Variants in REEP1 observed in about 807,000 individuals in gnomAD.
REEP1 encodes receptor accessory protein 1, also known as receptor expression-enhancing protein 1.
REEP1 carries 22 observed loss-of-function variants against 40.3 expected under a neutral mutation model. The ratio of observed to expected loss-of-function variants is 0.55; its 90% CI spans 0.39 to 0.78. The LOEUF is 0.78. REEP1 is among the 30% of genes least tolerant of loss of function. The pLI, the probability that REEP1 is intolerant of heterozygous loss-of-function variation, is 0.00. For missense variants in REEP1, 280 were observed against 361.1 expected (o/e 0.78, Z 1.82); for synonymous variants, 116 against 139.2 (o/e 0.83, Z 1.17).
intron 2 of REEP1, among the ~76,000 whole-genome samples, chr2:86,272,510 A>G (rs1037358811): frequency 3.3e-5 from 5 of 152,116 alleles, no homozygotes; most frequent in African/African-American, 1.2e-4. Flanking sequence ...TGGTTTCCCA[A>G]TTGCTTTTCT....
At position 86,215,381 on chromosome 2, in the gene REEP1, A is replaced by T. The variant is rs1284152152; in HGVS notation, c.*1658T>A. The T allele has an allele frequency of 6.6e-6, 1 of 152,256 alleles. No homozygotes were observed. The highest frequency in any genetic ancestry group is 1.5e-5 in the Non-Finnish European group (1 of 68,020). 9.4% of individuals were successfully genotyped at this position (152,256 alleles called of 1,614,324 possible). On this transcript the variant is annotated 3_prime_UTR_variant, in exon 9 of 9. Transcript: ENST00000538924. ...TCAAACCCTTTCTGGGGTGGCTAAG[A>T]TCCAGCTAATGTGTCATCAGCAAAG...
intron 2 of REEP1, among the ~76,000 whole-genome samples, chr2:86,280,530 T>A (rs6713456): frequency 0.37 from 56,577 of 152,148 alleles, 10,905 homozygotes; most frequent in Middle Eastern, 0.46. Flanking sequence ...TGGCACAGAT[T>A]GCAGGCGGGA....
At chr2:86,280,537 G>T (rs924079328) in intron 2 of REEP1, among the ~76,000 whole-genome samples, 1 of 152,186 alleles carries the variant, frequency 6.6e-6, no homozygotes, top group South Asian at 2.1e-4. Flanking sequence ...GATTGCAGGC[G>T]GGAAAGGGTT....
chr2:86,300,007 C>G (rs1331658400), intron 1 of REEP1, among the ~76,000 whole-genome samples: 1 of 152,096 alleles, frequency 6.6e-6, no homozygotes, highest in Non-Finnish European at 1.5e-5. Context: ...AGCCCAGGGC[C>G]AGACTGACAT....
intron 2 of REEP1, among the ~76,000 whole-genome samples, chr2:86,272,086 G>A (rs567971901): frequency 6.6e-6 from 1 of 152,216 alleles, no homozygotes; most frequent in Non-Finnish European, 1.5e-5. Context: ...AGCCAGGTGT[G>A]GTGTACGCAC....
chr2:86,220,461 C>T (rs944037372), intron 7 of REEP1, among the ~76,000 whole-genome samples: 10 of 152,150 alleles, frequency 6.6e-5, no homozygotes, highest in Admixed American at 2.0e-4. Context: ...CACATCAATC[C>T]CTGCAGCTCA....
At chr2:86,315,770 G>A (rs1679970357) in intron 1 of REEP1, among the ~76,000 whole-genome samples, 1 of 152,208 alleles carries the variant, frequency 6.6e-6, no homozygotes, top group African/African-American at 2.4e-5. Context: ...CCAGTGCCAT[G>A]TGCTTGGACA....
intron 2 of REEP1, among the ~76,000 whole-genome samples, chr2:86,275,828 G>A (rs1026902052): frequency 5.9e-5 from 9 of 152,182 alleles, no homozygotes; most frequent in South Asian, 2.1e-4. Context: ...AACAAATCCC[G>A]GGCACATTTT....
intron 1 of REEP1, among the ~76,000 whole-genome samples, chr2:86,319,883 G>T (rs1302720045): frequency 6.6e-6 from 1 of 152,138 alleles, no homozygotes; most frequent in Non-Finnish European, 1.5e-5. Flanking sequence ...TTAAAGTGAC[G>T]CATTTACAAG....
At chr2:86,258,488 C>T (rs1318450950) in intron 3 of REEP1, among the ~76,000 whole-genome samples, 1 of 152,202 alleles carries the variant, frequency 6.6e-6, no homozygotes, top group Non-Finnish European at 1.5e-5. Flanking sequence ...AGGCCCTCCC[C>T]ACATAAAGCC....
intron 3 of REEP1, among the ~76,000 whole-genome samples, chr2:86,255,786 T>A: frequency 6.6e-6 from 1 of 152,126 alleles, no homozygotes; most frequent in East Asian, 1.9e-4. Context: ...TGCCTTTGAA[T>A]GTATTAGAAG....
At chr2:86,313,215 T>C (rs1272661208) in intron 1 of REEP1, among the ~76,000 whole-genome samples, 1 of 151,324 alleles carries the variant, frequency 6.6e-6, no homozygotes, top group Non-Finnish European at 1.5e-5. Flanking sequence ...GCTCAAGTGA[T>C]CCTCCCGCCT....
chr2:86,312,096 C>G (rs1464406039), intron 1 of REEP1, among the ~76,000 whole-genome samples: 2 of 152,214 alleles, frequency 1.3e-5, no homozygotes, highest in Non-Finnish European at 2.9e-5. Flanking sequence ...GACACAGACA[C>G]ACTGCTTTCA....
chr2:86,308,723 C>T (rs1679618726), intron 1 of REEP1, among the ~76,000 whole-genome samples: 1 of 152,214 alleles, frequency 6.6e-6, no homozygotes, highest in Non-Finnish European at 1.5e-5. Flanking sequence ...GTCACTCAGC[C>T]TCTCTGCTCT....
upstream of REEP1, among the ~76,000 whole-genome samples, chr2:86,337,868 G>T (rs974557520): frequency 6.6e-6 from 1 of 152,100 alleles, no homozygotes; most frequent in African/African-American, 2.4e-5. This position sits in a 1 kb window ranked among gnomAD's most constrained non-coding sequence, Gnocchi z 5.8. Flanking sequence ...CAGCGGCCCC[G>T]TTTGCAGGGC....
intron 3 of REEP1, among the ~76,000 whole-genome samples, chr2:86,258,403 T>C (rs1676684154): frequency 6.6e-6 from 1 of 152,222 alleles, no homozygotes; most frequent in Non-Finnish European, 1.5e-5. Flanking sequence ...ATAAAGATCA[T>C]ATGGCCTGAA....
At chr2:86,241,863 A>G (rs1051306755) in intron 5 of REEP1, among the ~76,000 whole-genome samples, 1 of 152,180 alleles carries the variant, frequency 6.6e-6, no homozygotes, top group African/African-American at 2.4e-5. Context: ...AAGCACCCCT[A>G]TGAAAAGTCA....
chr2:86,267,022 CA>C (rs1417493533), intron 2 of REEP1, among the ~76,000 whole-genome samples: 1 of 145,546 alleles, frequency 6.9e-6, no homozygotes, highest in Non-Finnish European at 1.5e-5. Context: ...AAAAAAAAAA[CA>C]AAAAAAAACA....
At chr2:86,253,669 C>T (rs1676402169) in intron 4 of REEP1, among the ~76,000 whole-genome samples, 1 of 152,192 alleles carries the variant, frequency 6.6e-6, no homozygotes, top group Non-Finnish European at 1.5e-5. Context: ...CCTCAAAATC[C>T]ACCCTTCTGA....
Sources: gnomAD v4.1 joint callset for allele counts (sites outside exome capture counted in the v4.1 genomes callset) on GRCh38, gnomAD v4.1.1 for gene constraint, Gnocchi (gnomAD v3.1) non-coding constraint, MANE v1.5 for transcripts, NCBI Gene and HGNC (gene_info 2026-07-23, HGNC 2026-07-21) for gene names.